The following RNF24 variants were observed in gnomAD, a reference collection of about 807,000 sequenced individuals.
RNF24 encodes ring finger protein 24.
In RNF24, 14 loss-of-function variants were observed where a neutral mutation model predicts 20.0. The observed-to-expected ratio is 0.70, with a 90% CI of 0.46 to 1.10. RNF24 has a LOEUF of 1.10. Among genes scored for constraint, RNF24 ranks in the 50% least tolerant of loss-of-function variants. The pLI is 0.00. For synonymous variants in RNF24, 45 were observed against 61.1 expected (o/e 0.74, Z 1.23); for missense variants, 124 against 177.6 (o/e 0.70, Z 1.71).
chr20:4,008,376 ATATAATATATATATTATATATG>A (rs1210025602), intron 1 of RNF24, among the ~76,000 whole-genome samples: 745 of 35,122 alleles, frequency 0.021, 17 homozygotes, highest in African/African-American at 0.048. Flanking sequence ...TATATTATAT[ATATAATATATATATTATATATG>A]TAATATGTAT....
intron 4 of RNF24, among the ~76,000 whole-genome samples, chr20:3,937,524 A>G (rs900043330): frequency 6.6e-6 from 1 of 152,192 alleles, no homozygotes; most frequent in African/African-American, 2.4e-5. Context: ...AGCCATCTTT[A>G]CAATCTAATT....
Position 3,933,424 on chromosome 20 carries a change from G to T in RNF24, c.*639C>A. The T allele has an allele frequency of 2.6e-6, 1 of 377,450 alleles. No individual in the cohort carries two copies. 23.4% of individuals were successfully genotyped at this position (377,450 alleles called of 1,614,324 possible). A position where few individuals can be genotyped will look rare whatever the true frequency, so the allele number is the denominator to read the frequency against. The stretch of plus-strand genomic sequence containing the variant: ...GAGAGGGAAATGATAAGAGGAAATG[G>T]CTTCTGACTAGGCCTTTCCAAGCGC... On this transcript the variant is annotated 3_prime_UTR_variant, in exon 6 of 6. Coordinates refer to ENST00000358395, the MANE Select transcript of RNF24 (RefSeq NM_001134337.3).
intron 2 of RNF24, among the ~76,000 whole-genome samples, chr20:3,961,780 G>C (rs1487890502): frequency 6.7e-6 from 1 of 149,508 alleles, no homozygotes; most frequent in Non-Finnish European, 1.5e-5. Flanking sequence ...ATATTTCTAA[G>C]TTAAATCAAC....
rs897204935 is a variant in RNF24, at chr20:3,934,745, C to A, written c.308+249G>T. On this transcript the variant is annotated intron_variant, in intron 5 of 5. Transcript: ENST00000358395. The surrounding 1 kb of genome is among the most constrained non-coding windows in gnomAD (Gnocchi z 4.0). Reference sequence around the variant, plus strand: ...GCTAAATAGCTGTTTATTGCTTGGGCTCCAAGTGTAGGCTCATTTTGGCTC... The same window carrying A: ...GCTAAATAGCTGTTTATTGCTTGGGATCCAAGTGTAGGCTCATTTTGGCTC... Among the ~76,000 whole-genome samples the A allele has an allele frequency of 6.6e-6, 1 of 152,234 alleles. No individual in the cohort carries two copies.
In RNF24 at chr20:3,938,037, G is replaced by A. The variant is rs575352920; in HGVS notation, c.229-2964C>T. ...TACCTTTTTGAGGAGCTACCAAACC[G>A]ATTTCCAAAGCGGCTGCACCATTTT... On this transcript the variant is annotated intron_variant, in intron 4 of 5. Coordinates refer to ENST00000358395, the MANE Select transcript of RNF24 (RefSeq NM_001134337.3). Among the ~76,000 whole-genome samples, 4 of 152,174 alleles carry A rather than the reference G, an allele frequency of 2.6e-5. No individual in the cohort carries two copies. The East Asian group carries it at 5.8e-4, about 22-fold the overall frequency.
intron 1 of RNF24, among the ~76,000 whole-genome samples, chr20:4,008,492 AAT>A (rs570867195): frequency 4.0e-4 from 34 of 85,186 alleles, no homozygotes; most frequent in East Asian, 1.0e-3. Context: ...AATATAATAT[AAT>A]ATATATATTA....
In RNF24 at chr20:3,948,282, A is replaced by G. The variant is rs750715344; in HGVS notation, c.144-3T>C. 3.4e-5 allele frequency: 53 copies of G among 1,570,928 alleles called. No homozygotes were observed. Among genetic ancestry groups the G allele is most frequent in the Non-Finnish European group, 4.2e-5 (49 of 1,158,128 alleles). ...CTTTGTGTGCTTGATGTCTTAGCCT[A>G]AAAGACAGAAATTAGTAATGCAATA... On this transcript the variant is annotated splice_polypyrimidine_tract_variant and splice_region_variant and intron_variant, in intron 2 of 5. Coordinates refer to ENST00000358395, the MANE Select transcript of RNF24 (RefSeq NM_001134337.3).
rs1333507751 is a variant in RNF24 at position 3,964,008 on chromosome 20, C to G, written c.10G>C (p.Asp4His). Residue 4 changes from aspartate to histidine, a missense_variant, in exon 2 of 6, where the codon GAT (aspartate) becomes CAT (histidine). Physicochemically the swap from Asp to His is moderately conservative, Grantham distance 81. Coordinates refer to ENST00000358395, the MANE Select transcript of RNF24 (RefSeq NM_001134337.3). ...ATCCTGAAGTTGTAATGTGGGAAATCCGAGCTCATGGATGAACTGTGGGGG... is the reference window on the plus strand; with the variant it reads ...ATCCTGAAGTTGTAATGTGGGAAATGCGAGCTCATGGATGAACTGTGGGGG... MSS[D>H]FPHYNFRMPN... 6.2e-7 allele frequency: 1 copy of G among 1,612,752 alleles called. No individual in the cohort carries two copies. Among genetic ancestry groups the G allele is most frequent in the Non-Finnish European group, 8.5e-7 (1 of 1,179,518 alleles).
Position 3,972,267 on chromosome 20 carries a change from G to A in RNF24, c.-7-8243C>T, listed in dbSNP as rs572122336. Among the ~76,000 whole-genome samples the A allele has an allele frequency of 3.4e-4, 51 of 152,220 alleles. 1 individual carries two copies. The highest frequency in any genetic ancestry group is 1.2e-3 in the African/African-American group (49 of 41,540). ...TAGATAGAAAACCAGCAAGGATAAA[G>A]AAAAATTCAACAACACAATTAGACA... On this transcript the variant is annotated intron_variant, in intron 1 of 5. Coordinates refer to ENST00000358395, the MANE Select transcript of RNF24 (RefSeq NM_001134337.3).
At chr20:4,015,372 C>T (rs1982814500) in intron 1 of RNF24, 65 bp downstream of exon 1, 1 of 151,974 alleles carries the variant, frequency 6.6e-6, no homozygotes, top group South Asian at 2.1e-4. Context: ...CGGAGCGGCT[C>T]GGTCCCCCAA....
At chr20:3,979,708 G>T (rs1369516889) in intron 1 of RNF24, among the ~76,000 whole-genome samples, 2 of 152,020 alleles carry the variant, frequency 1.3e-5, no homozygotes, top group African/African-American at 2.4e-5. Flanking sequence ...AAAATAAAAT[G>T]ACTTCTGTCT....
rs1182671100 is a variant in RNF24, at chr20:3,941,493, A to T, written c.228+3684T>A. 3.3e-5 allele frequency among the ~76,000 whole-genome samples: 5 copies of T among 152,330 alleles called. No individual in the cohort carries two copies. In the East Asian group the frequency reaches 5.8e-4, roughly 18 times the overall value. On this transcript the variant is annotated intron_variant, in intron 4 of 5. Coordinates refer to ENST00000358395, the MANE Select transcript of RNF24 (RefSeq NM_001134337.3). The stretch of plus-strand genomic sequence containing the variant: ...AACCACTAAAAAACTATACAAAGAC[A>T]TAAAGTAAAAATCACAACAGATAAA...
intron 1 of RNF24, among the ~76,000 whole-genome samples, chr20:3,986,649 A>ATTT (rs36005352): frequency 7.2e-6 from 1 of 138,908 alleles, no homozygotes; most frequent in Non-Finnish European, 1.6e-5. Context: ...ATGCAGTATA[A>ATTT]TTTTTTTTTT....
intron 1 of RNF24, among the ~76,000 whole-genome samples, chr20:4,014,488 A>G (rs1982720510): frequency 6.6e-6 from 1 of 152,218 alleles, no homozygotes; most frequent in Admixed American, 6.5e-5. Context: ...GTAGACAGAC[A>G]TGAGAATCTT....
At chr20:3,964,251 G>A (rs1307028678) in intron 1 of RNF24, among the ~76,000 whole-genome samples, 1 of 152,084 alleles carries the variant, frequency 6.6e-6, no homozygotes, top group Non-Finnish European at 1.5e-5. Flanking sequence ...AAAAAGCTTT[G>A]CAAGTTGCAT....
At chr20:3,943,300 G>GGT (rs1568617939) in intron 4 of RNF24, among the ~76,000 whole-genome samples, 20 of 149,362 alleles carry the variant, frequency 1.3e-4, no homozygotes, top group African/African-American at 2.2e-4. Flanking sequence ...ATCCCAGCAG[G>GGT]ATTTTTTTTT....
intron 1 of RNF24, among the ~76,000 whole-genome samples, chr20:3,970,746 A>G (rs1440223992): frequency 6.6e-6 from 1 of 152,180 alleles, no homozygotes; most frequent in East Asian, 1.9e-4. Context: ...AAGAAAGGGG[A>G]AAGCATAAGT....
chr20:4,003,785 G>C (rs1380238689), intron 1 of RNF24, among the ~76,000 whole-genome samples: 9 of 151,818 alleles, frequency 5.9e-5, no homozygotes, highest in Non-Finnish European at 1.3e-4. Context: ...TGGGATTACA[G>C]GCATGTGCCA....
rs2090858866 is a variant in RNF24, at chr20:3,934,005, G to A, written c.*58C>T. 1.4e-6 allele frequency: 2 copies of A among 1,402,472 alleles called. No individual in the cohort carries two copies. The allele number at this position is 1,402,472 out of a possible 1,614,324, so 86.9% of individuals were successfully genotyped here. On this transcript the variant is annotated 3_prime_UTR_variant, in exon 6 of 6. Transcript: ENST00000358395. This position sits in a 1 kb window ranked among gnomAD's most constrained non-coding sequence, Gnocchi z 4.0. ...GAGCAGCCATACAGACACCACATGT[G>A]TTCCTCCTGGCTCCACACAGACGTC... is the stretch of plus-strand genomic sequence containing the variant.
Sources: allele counts gnomAD v4.1 joint callset (sites outside exome capture counted in the v4.1 genomes callset), GRCh38; gene constraint gnomAD v4.1.1; non-coding constraint Gnocchi (gnomAD v3.1); transcripts MANE v1.5; gene names NCBI Gene and HGNC (gene_info 2026-07-23, HGNC 2026-07-21).